RAB27B: variants seen among roughly 807,000 people sequenced by gnomAD.
RAB27B encodes the protein ras-related protein Rab-27B.
Under a neutral mutation model 24.6 loss-of-function variants are expected in RAB27B, and 15 were observed. That is an observed-to-expected ratio of 0.61 (90% CI 0.41 to 0.94). The LOEUF is 0.94. Among genes scored for constraint, RAB27B ranks in the 40% least tolerant of loss-of-function variants. The pLI is 0.00. For synonymous variants in RAB27B, 105 were observed against 92.5 expected (o/e 1.14, Z -0.78); for missense variants, 261 against 266.8 (o/e 0.98, Z 0.15).
intron 2 of RAB27B, among the ~76,000 whole-genome samples, chr18:54,768,286 A>T (rs1908429379): frequency 2.6e-5 from 4 of 152,182 alleles, no homozygotes; most frequent in Admixed American, 2.6e-4. Context: ...TGTTTGTAAA[A>T]TGTAGCGATA....
intron 2 of RAB27B, among the ~76,000 whole-genome samples, chr18:54,779,186 A>G (rs937102985): frequency 1.3e-5 from 2 of 152,118 alleles, no homozygotes; most frequent in Admixed American, 6.5e-5. Context: ...CAATTATGTC[A>G]TTCTAGATTG....
chr18:54,832,684 A>C (rs939548316), intron 1 of RAB27B, among the ~76,000 whole-genome samples: 63 of 152,186 alleles, frequency 4.1e-4, no homozygotes, highest in African/African-American at 1.5e-3. Context: ...GTAAAAAGCC[A>C]TTCAAGTGAA....
rs1168537200 is a variant in RAB27B, at chr18:54,892,766, A to AG, written c.*3354dup. 1 of 152,034 alleles carries AG rather than the reference A, an allele frequency of 6.6e-6. No homozygotes were observed. The highest frequency in any genetic ancestry group is 1.5e-5 in the Non-Finnish European group (1 of 67,968). The allele number at this position is 152,034 out of a possible 1,614,324, so 9.4% of individuals were successfully genotyped here. A position where few individuals can be genotyped will look rare whatever the true frequency, so the allele number is the denominator to read the frequency against. On this transcript the variant is annotated 3_prime_UTR_variant, in exon 6 of 6. Coordinates refer to ENST00000262094, the MANE Select transcript of RAB27B (RefSeq NM_004163.4). ...ATCGCCCTGTAAAATATTCAAAACT[A>AG]GCTATTTCTAAAGTAAACATTTTAT... is the stretch of plus-strand genomic sequence containing the variant.
intron 2 of RAB27B, among the ~76,000 whole-genome samples, chr18:54,778,190 T>G (rs1204630206): frequency 6.6e-6 from 1 of 152,228 alleles, no homozygotes; most frequent in Non-Finnish European, 1.5e-5. Flanking sequence ...TTCTCTAAGG[T>G]GCTCCAGGGT....
chr18:54,767,113 C>T (rs1173123951), intron 2 of RAB27B, among the ~76,000 whole-genome samples: 1 of 152,126 alleles, frequency 6.6e-6, no homozygotes, highest in East Asian at 1.9e-4. Flanking sequence ...CAGGTTTTAC[C>T]ACGCTGGGAA....
At chr18:54,721,460 G>A (rs1217189353) in intron 2 of RAB27B, among the ~76,000 whole-genome samples, 1 of 152,146 alleles carries the variant, frequency 6.6e-6, no homozygotes, top group Non-Finnish European at 1.5e-5. Context: ...TCACATAATA[G>A]TGAACGTTGG....
chr18:54,839,695 A>T (rs1311401127), intron 1 of RAB27B, among the ~76,000 whole-genome samples: 1 of 152,228 alleles, frequency 6.6e-6, no homozygotes, highest in Non-Finnish European at 1.5e-5. Context: ...CTAAAATCCA[A>T]CACTAATTAA....
chr18:54,857,035 G>A (rs1911811053), intron 1 of RAB27B, among the ~76,000 whole-genome samples: 2 of 151,960 alleles, frequency 1.3e-5, no homozygotes, highest in Admixed American at 6.6e-5. Flanking sequence ...TTGGGTTTAG[G>A]GATCTACATG....
chr18:54,728,376 C>G (rs967813731), intron 2 of RAB27B, among the ~76,000 whole-genome samples: 2 of 152,150 alleles, frequency 1.3e-5, no homozygotes, highest in African/African-American at 2.4e-5. Context: ...TCTTGCCCCC[C>G]TCAGCTAGAA....
chr18:54,848,289 A>C (rs1442911279), intron 1 of RAB27B, among the ~76,000 whole-genome samples: 1 of 152,256 alleles, frequency 6.6e-6, no homozygotes, highest in African/African-American at 2.4e-5. Flanking sequence ...AATTTATAAA[A>C]ATAAATGTTT....
At chr18:54,870,229 C>A (rs1912408053) in intron 1 of RAB27B, among the ~76,000 whole-genome samples, 1 of 152,044 alleles carries the variant, frequency 6.6e-6, no homozygotes, top group Non-Finnish European at 1.5e-5. Flanking sequence ...CCCAACAGCA[C>A]ATTAAAAATG....
chr18:54,766,151 A>G (rs900982654), intron 2 of RAB27B, among the ~76,000 whole-genome samples: 16 of 152,198 alleles, frequency 1.1e-4, no homozygotes, highest in African/African-American at 3.6e-4. Context: ...GGAATAACAC[A>G]TGGCTTTCTT....
intron 2 of RAB27B, among the ~76,000 whole-genome samples, chr18:54,802,502 T>C (rs1343413058): frequency 4.6e-5 from 7 of 152,226 alleles, no homozygotes; most frequent in Non-Finnish European, 1.5e-5. Context: ...CTGTTTTGAC[T>C]GAACGGTCAG....
At chr18:54,755,865 A>C (rs981659840) in intron 2 of RAB27B, among the ~76,000 whole-genome samples, 1 of 152,200 alleles carries the variant, frequency 6.6e-6, no homozygotes, top group Non-Finnish European at 1.5e-5. Context: ...AAACTATTGC[A>C]CAAGGGGAAG....
At chr18:54,857,867 A>G (rs1911847896) in intron 1 of RAB27B, among the ~76,000 whole-genome samples, 1 of 151,988 alleles carries the variant, frequency 6.6e-6, no homozygotes. Flanking sequence ...ATTTTATCCT[A>G]TTTAGATTGC....
Position 54,884,321 on chromosome 18 carries a change from T to A in RAB27B, c.240-12T>A. On this transcript the variant is annotated splice_polypyrimidine_tract_variant and intron_variant, in intron 3 of 5. Transcript: ENST00000262094. ...CTAACTTTCAGAACTACCCACTGTGTTTCCTTGGCAGGTTCCGGAGTCTCA... is the reference window on the plus strand; with the variant it reads ...CTAACTTTCAGAACTACCCACTGTGATTCCTTGGCAGGTTCCGGAGTCTCA... 3.8e-6 allele frequency: 6 copies of A among 1,570,778 alleles called. No individual in the cohort carries two copies. Among genetic ancestry groups the A allele is most frequent in the Non-Finnish European group, 5.3e-6 (6 of 1,141,326 alleles).
At chr18:54,741,493 C>CT (rs994262505) in intron 2 of RAB27B, among the ~76,000 whole-genome samples, 6 of 151,924 alleles carry the variant, frequency 3.9e-5, no homozygotes, top group Admixed American at 2.6e-4. Flanking sequence ...ACTCTAAGCT[C>CT]TTTTTTTCTT....
intron 3 of RAB27B, among the ~76,000 whole-genome samples, chr18:54,881,703 G>T (rs1189388225): frequency 6.6e-6 from 1 of 152,120 alleles, no homozygotes; most frequent in African/African-American, 2.4e-5. Context: ...GGCTGGAAAT[G>T]AATTACTTGT....
chr18:54,730,256 G>A (rs901110170), intron 2 of RAB27B, among the ~76,000 whole-genome samples: 4 of 152,112 alleles, frequency 2.6e-5, no homozygotes, highest in East Asian at 1.9e-4. Context: ...CCCTGAAGAC[G>A]TTATCTGGAC....
Sources: gnomAD v4.1 joint callset for allele counts (sites outside exome capture counted in the v4.1 genomes callset) on GRCh38, gnomAD v4.1.1 for gene constraint, MANE v1.5 for transcripts, NCBI Gene and HGNC (gene_info 2026-07-23, HGNC 2026-07-21) for gene names.